ITCH: variants seen among roughly 807,000 people sequenced by gnomAD.
The protein encoded by ITCH is E3 ubiquitin-protein ligase Itchy homolog.
Under a neutral mutation model 126.8 loss-of-function variants are expected in ITCH, and 28 were observed. The observed-to-expected ratio is 0.22, with a 90% confidence interval of 0.16 to 0.30. The LOEUF is 0.30. Among genes scored for constraint, ITCH ranks in the 10% least tolerant of loss-of-function variants. ITCH has a pLI of 1.00. For synonymous variants in ITCH, 342 were observed against 340.0 expected, an observed-to-expected ratio of 1.01 and a Z score of -0.06; for missense variants, 631 against 1,032.4, an observed-to-expected ratio of 0.61 and a Z score of 5.33.
At chr20:34,399,246 G>T (rs890762401) in intron 3 of ITCH, among the ~76,000 whole-genome samples, 14 of 152,012 alleles carry the variant, frequency 9.2e-5, no homozygotes, top group African/African-American at 3.4e-4. Context: ...TACAAAATTA[G>T]CCGGGCATGG....
At chr20:34,429,570 G>A (rs1046318061) in intron 7 of ITCH, among the ~76,000 whole-genome samples, 16 of 152,112 alleles carry the variant, frequency 1.1e-4, no homozygotes, top group African/African-American at 3.9e-4. Flanking sequence ...AGACACACAC[G>A]TTTTTGCAAA....
At chr20:34,482,774 A>C (rs927095300) in intron 20 of ITCH, among the ~76,000 whole-genome samples, 2 of 152,180 alleles carry the variant, frequency 1.3e-5, no homozygotes, top group Admixed American at 6.5e-5. Context: ...GCAGTGCCCC[A>C]GTAGGGACTC....
At chr20:34,364,212 C>A (rs1384234378) in intron 1 of ITCH, among the ~76,000 whole-genome samples, 1 of 152,088 alleles carries the variant, frequency 6.6e-6, no homozygotes, top group Admixed American at 6.6e-5. Context: ...TTGTAAAGGG[C>A]CAGGAATTCA....
chr20:34,498,156 G>A (rs765118122), intron 23 of ITCH, among the ~76,000 whole-genome samples: 31 of 152,186 alleles, frequency 2.0e-4, no homozygotes, highest in Non-Finnish European at 4.3e-4. Context: ...TTATAGAAAC[G>A]CTGCTGATTT....
At chr20:34,427,263 T>C (rs1981661049) in intron 7 of ITCH, among the ~76,000 whole-genome samples, 1 of 152,084 alleles carries the variant, frequency 6.6e-6, no homozygotes, top group Admixed American at 6.6e-5. Context: ...GCCTAGAAAA[T>C]AGCAGATACT....
At chr20:34,427,570 G>A (rs1981713491) in intron 7 of ITCH, among the ~76,000 whole-genome samples, 1 of 152,168 alleles carries the variant, frequency 6.6e-6, no homozygotes, top group Admixed American at 6.6e-5. Context: ...CTGAGATCGT[G>A]CCACTGTACT....
chr20:34,397,167 C>T (rs1279246679), intron 3 of ITCH, among the ~76,000 whole-genome samples: 5 of 152,190 alleles, frequency 3.3e-5, no homozygotes, highest in East Asian at 1.9e-4. Context: ...GGGTTATAGG[C>T]GCCCGCCACC....
At chr20:34,472,104 G>A (rs965115011) in intron 16 of ITCH, among the ~76,000 whole-genome samples, 23 of 152,154 alleles carry the variant, frequency 1.5e-4, no homozygotes, top group Admixed American at 1.3e-4. Flanking sequence ...CGCTGGGCAC[G>A]GTGGCTCATG....
intron 6 of ITCH, among the ~76,000 whole-genome samples, chr20:34,414,876 T>C (rs1010375244): frequency 3.3e-5 from 5 of 152,224 alleles, no homozygotes; most frequent in East Asian, 3.8e-4. Flanking sequence ...TACAGAGATA[T>C]CTTTTGACAA....
At chr20:34,453,355 T>C (rs1263948714) in intron 12 of ITCH, among the ~76,000 whole-genome samples, 1 of 152,238 alleles carries the variant, frequency 6.6e-6, no homozygotes, top group East Asian at 1.9e-4. Flanking sequence ...CTCACGCCTG[T>C]AATCCCAGTA....
intron 3 of ITCH, among the ~76,000 whole-genome samples, chr20:34,403,457 A>C (rs1174913868): frequency 1.3e-5 from 2 of 152,200 alleles, no homozygotes; most frequent in Non-Finnish European, 2.9e-5. Flanking sequence ...AGTGATTATA[A>C]TAAAGCAGAG....
chr20:34,469,286 A>G (rs1431980404), intron 14 of ITCH, among the ~76,000 whole-genome samples: 1 of 151,870 alleles, frequency 6.6e-6, no homozygotes, highest in East Asian at 1.9e-4. Context: ...TGTCTTTTAG[A>G]AAATCCTTCC....
chr20:34,411,645 T>C (rs902332487), intron 4 of ITCH, among the ~76,000 whole-genome samples: 1 of 152,170 alleles, frequency 6.6e-6, no homozygotes, highest in African/African-American at 2.4e-5. Flanking sequence ...AGGAGGAAAG[T>C]GTTTCTTTGT....
At chr20:34,399,957 T>C (rs892590211) in intron 3 of ITCH, among the ~76,000 whole-genome samples, 2 of 151,980 alleles carry the variant, frequency 1.3e-5, no homozygotes, top group African/African-American at 2.4e-5. Flanking sequence ...GTTTTTTTTT[T>C]AAGACGGAGT....
chr20:34,367,038 A>C (rs933641779), intron 1 of ITCH, among the ~76,000 whole-genome samples: 9 of 152,208 alleles, frequency 5.9e-5, no homozygotes, highest in African/African-American at 2.2e-4. Context: ...CTTTTCTGTC[A>C]AAAGAACCCA....
At chr20:34,476,814 T>C (rs527470468) in intron 16 of ITCH, 21 of 157,316 alleles carry the variant, frequency 1.3e-4, no homozygotes, top group Non-Finnish European at 2.4e-4. Context: ...CATGTTCTTC[T>C]GTATTTTTTT....
At chr20:34,471,334 C>A (rs1987600591) in intron 15 of ITCH, 110 bp from the exon 16 acceptor site, 1 of 714,544 alleles carries the variant, frequency 1.4e-6, no homozygotes. Context: ...TATTCATAGT[C>A]TACTTGTTTC....
At chr20:34,394,154 G>A (rs2038586593) in intron 3 of ITCH, among the ~76,000 whole-genome samples, 1 of 146,860 alleles carries the variant, frequency 6.8e-6, no homozygotes, top group Non-Finnish European at 1.5e-5. Flanking sequence ...AGAGGTTGCA[G>A]TGAGCTGAGT....
chr20:34,384,279 CTTT>C (rs35124886), intron 2 of ITCH: 3 of 103,874 alleles, frequency 2.9e-5, no homozygotes, highest in Non-Finnish European at 1.8e-5. Context: ...GCCTGTAATT[CTTT>C]TTTTTTTTTT....
Sources: gnomAD v4.1 joint callset for allele counts (sites outside exome capture counted in the v4.1 genomes callset) on GRCh38, gnomAD v4.1.1 for gene constraint, MANE v1.5 for transcripts, NCBI Gene and HGNC (gene_info 2026-07-23, HGNC 2026-07-21) for gene names.